QSOX1: variants seen among roughly 807,000 people sequenced by gnomAD.
QSOX1 encodes the protein quiescin sulfhydryl oxidase 1.
QSOX1 carries 40 observed loss-of-function variants against 76.1 expected under a neutral mutation model. That is an observed-to-expected ratio of 0.53 (90% CI 0.41 to 0.68). QSOX1 has a LOEUF of 0.68. QSOX1 is among the 30% of genes least tolerant of loss of function. The probability of loss-of-function intolerance (pLI) is 0.00; values close to 1 mark genes in which losing one functional copy is unlikely to be tolerated. For synonymous variants in QSOX1, 392 were observed against 413.1 expected (o/e 0.95, Z 0.62); for missense variants, 931 against 974.3 (o/e 0.96, Z 0.59).
Position 180,196,307 on chromosome 1 carries a change from C to T in QSOX1, c.1514C>T (p.Pro505Leu), listed in dbSNP as rs768732972. ...DPQFPKVQWP[P>L]RELCSACHNE... is the part of the protein sequence containing the mutation. ...CAGTTCCCCAAGGTGCAGTGGCCAC[C>T]CCGTGAACTTTGTTCTGCCTGCCAC... Residue 505 changes from proline to leucine, a missense_variant, in exon 12 of 12, where the codon CCC (proline) becomes CTC (leucine). Pro to Leu is a moderately conservative substitution (Grantham distance 98). Coordinates refer to ENST00000367602, the MANE Select transcript of QSOX1 (RefSeq NM_002826.5). This position sits in a 1 kb window ranked among gnomAD's most constrained non-coding sequence, Gnocchi z 4.1. The T allele has an allele frequency of 1.2e-6, 2 of 1,614,016 alleles. No homozygotes were observed. The highest frequency in any genetic ancestry group is 1.7e-6 in the Non-Finnish European group (2 of 1,179,950).
In QSOX1 at chr1:180,199,339, C is replaced by T. The variant is rs1446140999; in HGVS notation, c.*2302C>T. 6.6e-6 allele frequency: 1 copy of T among 152,166 alleles called. No individual in the cohort carries two copies. The highest frequency in any genetic ancestry group is 1.5e-5 in the Non-Finnish European group (1 of 68,034). 9.4% of individuals were successfully genotyped at this position (152,166 alleles called of 1,614,324 possible). ...CTTCTAGATGGCTTCTCTAGAGGCT[C>T]TCCTGGCAAGAGAGGGTCCCAAGGG... On this transcript the variant is annotated 3_prime_UTR_variant, in exon 12 of 12. Transcript: ENST00000367602.
At chr1:180,193,074 C>A (rs367775324) in intron 10 of QSOX1, among the ~76,000 whole-genome samples, 1 of 151,854 alleles carries the variant, frequency 6.6e-6, no homozygotes, top group African/African-American at 2.4e-5. Context: ...TTGTTGGATT[C>A]GGCTGAAGAG....
At chr1:180,190,700 A>C in intron 10 of QSOX1, 120 bp downstream of exon 10, 1 of 1,272,880 alleles carries the variant, frequency 7.9e-7, no homozygotes, top group Non-Finnish European at 1.1e-6. Flanking sequence ...CTGCCAGAAG[A>C]TGGGGAGAGT....
rs762768077 is a variant in QSOX1 at position 180,201,960 on chromosome 1, C to T, written c.*4923C>T. On this transcript the variant is annotated 3_prime_UTR_variant, in exon 12 of 12. Coordinates refer to ENST00000367602, the MANE Select transcript of QSOX1 (RefSeq NM_002826.5). ...CAATGGCCGTGGGAGCCAGTGGCCT[C>T]GGCGAGGGTCAGTTGGACTGCATAG... 6.6e-6 allele frequency: 1 copy of T among 152,314 alleles called. No individual in the cohort carries two copies. The highest frequency in any genetic ancestry group is 1.9e-4 in the East Asian group (1 of 5,184). 9.4% of individuals were successfully genotyped at this position (152,314 alleles called of 1,614,324 possible). A position where few individuals can be genotyped will look rare whatever the true frequency, so the allele number is the denominator to read the frequency against.
At chr1:180,189,491 A>C in intron 8 of QSOX1, 61 bp from the exon 9 acceptor site, 1 of 1,187,798 alleles carries the variant, frequency 8.4e-7, no homozygotes, top group South Asian at 1.5e-5. Flanking sequence ...TACCATCTGC[A>C]GGACGGGGAA....
rs1033728334 is a variant in QSOX1, at chr1:180,184,185, C to G, written c.887+135C>G. 58 of 1,215,566 alleles carry G rather than the reference C, an allele frequency of 4.8e-5. 1 individual carries two copies. Among genetic ancestry groups the G allele is most frequent in the Admixed American group, 1.5e-4 (7 of 45,900 alleles). The allele number at this position is 1,215,566 out of a possible 1,614,324, so 75.3% of individuals were successfully genotyped here. On this transcript the variant is annotated intron_variant, in intron 7 of 11. Coordinates refer to ENST00000367602, the MANE Select transcript of QSOX1 (RefSeq NM_002826.5). ...GTGTGTACATTCTGAGCCAGGCTGT[C>G]CCCCACCCTGGGGTCTGGCCATGCT...
chr1:180,175,228 T>C, intron 2 of QSOX1, 93 bp from the exon 3 acceptor site: 1 of 1,160,094 alleles, frequency 8.6e-7, no homozygotes, highest in South Asian at 1.2e-5. Context: ...AGCCACCGCA[T>C]TGAATAAGTA....
chr1:180,161,726 A>G (rs1258036455), intron 1 of QSOX1, among the ~76,000 whole-genome samples: 2 of 152,254 alleles, frequency 1.3e-5, no homozygotes, highest in African/African-American at 2.4e-5. Context: ...CAACGTTTCA[A>G]ATTTAAAAAC....
At chr1:180,194,979 T>A (rs1216861083) in intron 11 of QSOX1, among the ~76,000 whole-genome samples, 1 of 135,388 alleles carries the variant, frequency 7.4e-6, no homozygotes, top group African/African-American at 2.6e-5. Flanking sequence ...GCGGTGCACG[T>A]GGCTGTGACA....
chr1:180,191,042 G>C lies in QSOX1; in HGVS notation c.1288+462G>C, dbSNP rs923968690. On this transcript the variant is annotated intron_variant, in intron 10 of 11. Coordinates refer to ENST00000367602, the MANE Select transcript of QSOX1 (RefSeq NM_002826.5). Reference sequence around the variant, plus strand: ...AAAACAATTTCCTGGGGGAAGTTGGGGAAACACGTTTCCCCTGCTGCCTCG... The same window carrying C: ...AAAACAATTTCCTGGGGGAAGTTGGCGAAACACGTTTCCCCTGCTGCCTCG... 4.6e-5 allele frequency among the ~76,000 whole-genome samples: 7 copies of C among 152,142 alleles called. No individual in the cohort carries two copies. The South Asian group carries it at 1.4e-3, about 32-fold the overall frequency.
At chr1:180,195,428 C>G (rs578166809) in intron 11 of QSOX1, among the ~76,000 whole-genome samples, 1 of 152,350 alleles carries the variant, frequency 6.6e-6, no homozygotes, top group African/African-American at 2.4e-5. Context: ...ATGCCACTTG[C>G]TGTTGCTGCT....
chr1:180,194,440 G>A (rs1223323531), intron 11 of QSOX1, 48 bp downstream of exon 11: 2 of 1,499,782 alleles, frequency 1.3e-6, no homozygotes, highest in South Asian at 1.3e-5. Context: ...GGGGGACGAG[G>A]GGGTGAGGAT....
chr1:180,202,096 T>G lies in QSOX1; in HGVS notation c.*5059T>G, dbSNP rs552115098. 1 of 152,278 alleles carries G rather than the reference T, an allele frequency of 6.6e-6. No homozygotes were observed. The highest frequency in any genetic ancestry group is 2.1e-4 in the South Asian group (1 of 4,826). 9.4% of individuals were successfully genotyped at this position (152,278 alleles called of 1,614,324 possible). On this transcript the variant is annotated 3_prime_UTR_variant, in exon 12 of 12. Transcript: ENST00000367602. ...GTCACAGTGGAAGAGAGTCTGGAAA[T>G]CACAAGGCAGAGGAGGAGACCTTTG...
chr1:180,174,337 A>G lies in QSOX1; in HGVS notation c.367-984A>G, dbSNP rs1662830012. Among the ~76,000 whole-genome samples, 3 of 152,236 alleles carry G rather than the reference A, an allele frequency of 2.0e-5. No individual in the cohort carries two copies. The South Asian group carries it at 6.2e-4, about 31-fold the overall frequency. ...TCTTGCCCCAAGGAGGTGACAGACT[A>G]GGCTTGGGGTGTCATGTACATGGGA... On this transcript the variant is annotated intron_variant, in intron 2 of 11. Transcript: ENST00000367602.
chr1:180,190,493 C>A lies in QSOX1; in HGVS notation c.1201C>A (p.Arg401=). The change falls in exon 10 of 12, where the codon CGG becomes AGG. Residue 401 remains arginine, a synonymous_variant. Transcript: ENST00000367602. ...CTGCCAGGGGAGTGAGCCGCATTTCCGGGGCTTTCCCTGCTCCCTGTGGGT... is the reference window on the plus strand; with the variant it reads ...CTGCCAGGGGAGTGAGCCGCATTTCAGGGGCTTTCCCTGCTCCCTGTGGGT... ...IGCQGSEPHF[R]GFPCSLWVLF... The A allele has an allele frequency of 1.2e-6, 2 of 1,614,084 alleles. No homozygotes were observed. Among genetic ancestry groups the A allele is most frequent in the Non-Finnish European group, 1.7e-6 (2 of 1,179,942 alleles).
intron 1 of QSOX1, among the ~76,000 whole-genome samples, chr1:180,163,157 A>G (rs549249720): frequency 2.4e-4 from 37 of 151,502 alleles, no homozygotes; most frequent in African/African-American, 7.5e-4. Flanking sequence ...CACAAAAACT[A>G]TAAGTTAGCC....
chr1:180,168,274 A>G (rs971024033), intron 2 of QSOX1, among the ~76,000 whole-genome samples: 1 of 152,236 alleles, frequency 6.6e-6, no homozygotes, highest in Non-Finnish European at 1.5e-5. Context: ...TGGGAGGGGC[A>G]CTGGGAGGGC....
In QSOX1 at chr1:180,175,218, A is replaced by G. The variant is rs1405223463; in HGVS notation, c.367-103A>G. Reference sequence around the variant, plus strand: ...CTCAACAACATTAAGTGATTTGCCCAGCCACCGCATTGAATAAGTAGGCAG... The same window carrying G: ...CTCAACAACATTAAGTGATTTGCCCGGCCACCGCATTGAATAAGTAGGCAG... On this transcript the variant is annotated intron_variant, in intron 2 of 11. Coordinates refer to ENST00000367602, the MANE Select transcript of QSOX1 (RefSeq NM_002826.5). The G allele has an allele frequency of 5.8e-6, 6 of 1,042,450 alleles. No individual in the cohort carries two copies. In the African/African-American group the frequency reaches 9.4e-5, roughly 16 times the overall value. 64.6% of individuals were successfully genotyped at this position (1,042,450 alleles called of 1,614,324 possible). A position where few individuals can be genotyped will look rare whatever the true frequency, so the allele number is the denominator to read the frequency against.
chr1:180,177,879 G>T (rs1327526867), intron 4 of QSOX1, among the ~76,000 whole-genome samples: 5 of 69,212 alleles, frequency 7.2e-5, no homozygotes, highest in African/African-American at 2.2e-4. Context: ...TTTTGTTTTG[G>T]ATATGTTTTG....
Sources: allele counts gnomAD v4.1 joint callset (sites outside exome capture counted in the v4.1 genomes callset), GRCh38; gene constraint gnomAD v4.1.1; non-coding constraint Gnocchi (gnomAD v3.1); transcripts MANE v1.5; gene names NCBI Gene and HGNC (gene_info 2026-07-23, HGNC 2026-07-21).